PLB1: variants seen among roughly 807,000 people sequenced by gnomAD.
PLB1 encodes the protein phospholipase B1.
A neutral mutation model predicts 227.4 loss-of-function variants in PLB1; 242 were observed. That is an observed-to-expected ratio of 1.06 (90% CI 0.96 to 1.18). PLB1 has a LOEUF of 1.18. Among genes scored for constraint, PLB1 ranks in the 50% most tolerant of loss-of-function variants. PLB1 has a pLI of 0.00. For synonymous variants in PLB1, 757 were observed against 682.2 expected, an observed-to-expected ratio of 1.11 and a Z score of -1.71; for missense variants, 1,858 against 1,816.3, an observed-to-expected ratio of 1.02 and a Z score of -0.42.
At chr2:28,539,669 C>G (rs1672190825) in intron 11 of PLB1, among the ~76,000 whole-genome samples, 1 of 151,940 alleles carries the variant, frequency 6.6e-6, no homozygotes, top group Admixed American at 6.6e-5. Context: ...TGGAAAAAGT[C>G]AGGGCAAGGG....
chr2:28,632,130 C>T lies in PLB1; in HGVS notation c.3992C>T (p.Pro1331Leu). The T allele has an allele frequency of 6.2e-7, 1 of 1,613,370 alleles. No individual in the cohort carries two copies. The highest frequency in any genetic ancestry group is 8.5e-7 in the Non-Finnish European group (1 of 1,179,330). ...VQPFFQNTLT[P>L]LNERGDTDLT... Reference sequence around the variant, plus strand: ...CCTTTCTTCCAAAACACACTCACCCCACTGAACGAGGTGAGCTGCAGGTAT... The same window carrying T: ...CCTTTCTTCCAAAACACACTCACCCTACTGAACGAGGTGAGCTGCAGGTAT... Residue 1331 changes from proline (P) to leucine (L), a missense_variant, in exon 55 of 58, where the codon CCA becomes CTA. Physicochemically the swap from Pro to Leu is moderately conservative, Grantham distance 98. Coordinates refer to ENST00000327757, the MANE Select transcript of PLB1 (RefSeq NM_153021.5).
Position 28,625,164 on chromosome 2 carries a change from G to T in PLB1, c.3579+56G>T, listed in dbSNP as rs995606280. ...AGGTGCCCATCTCCTGCTGGCTGGG[G>T]AGGGGACAGCCCCATAAGGGTCCCT... On this transcript the variant is annotated intron_variant, in intron 50 of 57. Transcript: ENST00000327757. 4.0e-6 allele frequency: 6 copies of T among 1,518,896 alleles called. No individual in the cohort carries two copies. In the East Asian group the frequency reaches 1.4e-4, roughly 35 times the overall value. The allele number at this position is 1,518,896 out of a possible 1,614,324, so 94.1% of individuals were successfully genotyped here. A position where few individuals can be genotyped will look rare whatever the true frequency, so the allele number is the denominator to read the frequency against.
chr2:28,507,214 T>G (rs1296394152), intron 1 of PLB1, among the ~76,000 whole-genome samples: 4 of 152,208 alleles, frequency 2.6e-5, no homozygotes, highest in African/African-American at 4.8e-5. Context: ...TTCTACAGGT[T>G]GCTCCTTCCT....
intron 26 of PLB1, among the ~76,000 whole-genome samples, chr2:28,588,437 C>T (rs1467887421): frequency 6.6e-6 from 1 of 152,198 alleles, no homozygotes; most frequent in Non-Finnish European, 1.5e-5. Flanking sequence ...TGACCACTGG[C>T]TTGGGAGGTC....
chr2:28,628,422 C>T, intron 51 of PLB1, 141 bp from the exon 52 acceptor site: 1 of 681,056 alleles, frequency 1.5e-6, no homozygotes, highest in Non-Finnish European at 2.6e-6. Flanking sequence ...AAGAACTGGG[C>T]TTCTCAGTTT....
chr2:28,529,818 G>A (rs1481932254), intron 8 of PLB1, 39 bp downstream of exon 8: 1 of 1,603,780 alleles, frequency 6.2e-7, no homozygotes, highest in African/African-American at 1.3e-5. Flanking sequence ...TGGGCTGCCT[G>A]GCTTTGCTGC....
In PLB1 at chr2:28,566,834, T is replaced by G. The variant is rs1285775855; in HGVS notation, c.1319T>G (p.Leu440Arg). The change falls in exon 20 of 58, where the codon CTG (leucine) becomes CGG (arginine). Residue 440 changes from leucine to arginine, a missense_variant. Transcript: ENST00000327757. ...GDENIGTVTT[L>R]ANILREFNPS... Reference sequence around the variant, plus strand: ...GAGAACATCGGCACCGTTACCACCCTGGCGAGTGAGTACGCGGCGGCGGCC... The same window carrying G: ...GAGAACATCGGCACCGTTACCACCCGGGCGAGTGAGTACGCGGCGGCGGCC... 1 of 1,613,994 alleles carries G rather than the reference T, an allele frequency of 6.2e-7. No individual in the cohort carries two copies. Among genetic ancestry groups the G allele is most frequent in the Non-Finnish European group, 8.5e-7 (1 of 1,179,994 alleles).
chr2:28,553,172 T>C (rs960143761), intron 17 of PLB1, among the ~76,000 whole-genome samples, 181 bp downstream of exon 17: 3 of 152,214 alleles, frequency 2.0e-5, no homozygotes, highest in Non-Finnish European at 4.4e-5. Context: ...AAATGTGATA[T>C]CATTATCAGA....
chr2:28,531,914 G>A (rs1671062672), intron 8 of PLB1, among the ~76,000 whole-genome samples, 194 bp from the exon 9 acceptor site: 1 of 151,968 alleles, frequency 6.6e-6, no homozygotes, highest in Admixed American at 6.6e-5. Context: ...TAAAAAAAAA[G>A]TTTTGGATAT....
chr2:28,540,507 G>A, intron 12 of PLB1, 66 bp downstream of exon 12: 1 of 1,323,996 alleles, frequency 7.6e-7, no homozygotes, highest in Non-Finnish European at 1.1e-6. Flanking sequence ...AGGAGAACAG[G>A]AGTGATAGGG....
chr2:28,541,632 T>G, intron 12 of PLB1, 75 bp from the exon 13 acceptor site: 1 of 1,103,098 alleles, frequency 9.1e-7, no homozygotes, highest in Non-Finnish European at 1.3e-6. Flanking sequence ...CTGCCGAGAA[T>G]GATTTGGTCA....
intron 1 of PLB1, among the ~76,000 whole-genome samples, chr2:28,509,856 G>A (rs1463747031): frequency 1.3e-5 from 2 of 152,154 alleles, no homozygotes; most frequent in Non-Finnish European, 2.9e-5. Context: ...GGTACTGTGG[G>A]AACAGGCACT....
At chr2:28,582,032 C>A in intron 23 of PLB1, 36 bp from the exon 24 acceptor site, 1 of 1,579,214 alleles carries the variant, frequency 6.3e-7, no homozygotes, top group Non-Finnish European at 8.7e-7. Flanking sequence ...GATTAGGTGA[C>A]AAATGGTGTT....
At chr2:28,558,156 CTG>C (rs3041209) in intron 17 of PLB1, among the ~76,000 whole-genome samples, 83,262 of 150,242 alleles carry the variant, frequency 0.55, 23,256 homozygotes, top group South Asian at 0.64. Context: ...GTGTGTGTCT[CTG>C]TGTGTGTGTG....
intron 35 of PLB1, among the ~76,000 whole-genome samples, chr2:28,599,038 A>G (rs1420349973): frequency 6.6e-6 from 1 of 152,214 alleles, no homozygotes; most frequent in Admixed American, 6.5e-5. Flanking sequence ...ACCTTATCCA[A>G]TGTTTACAAC....
intron 17 of PLB1, among the ~76,000 whole-genome samples, chr2:28,557,233 CCT>C (rs1485513507): frequency 1.3e-5 from 2 of 152,166 alleles, no homozygotes; most frequent in South Asian, 4.2e-4. Context: ...CTGTAAAGTC[CCT>C]GTCACAGAGT....
rs147257953 is a variant in PLB1 at position 28,568,951 on chromosome 2, T to A, written c.1324+2112T>A. Among the ~76,000 whole-genome samples, 213 of 152,304 alleles carry A rather than the reference T, an allele frequency of 1.4e-3. 1 individual carries two copies. Among genetic ancestry groups the A allele is most frequent in the African/African-American group, 4.7e-3 (197 of 41,580 alleles). On this transcript the variant is annotated intron_variant, in intron 20 of 57. Transcript: ENST00000327757. ...TCTACCTCCTAGGGAAGCTGCCACC[T>A]CCTAGGACAAACCATTCCACTTTCA...
At chr2:28,639,989 C>G (rs1168960947) in intron 56 of PLB1, among the ~76,000 whole-genome samples, 2 of 152,136 alleles carry the variant, frequency 1.3e-5, no homozygotes, top group Admixed American at 6.5e-5. Flanking sequence ...TCTAGTCACC[C>G]TAGCATCTCT....
intron 17 of PLB1, among the ~76,000 whole-genome samples, chr2:28,555,570 C>T (rs1330129665): frequency 2.0e-5 from 3 of 152,126 alleles, no homozygotes; most frequent in South Asian, 2.1e-4. Flanking sequence ...AGGTCATACA[C>T]TCTTCTGGAG....
Sources: gnomAD v4.1 joint callset for allele counts (sites outside exome capture counted in the v4.1 genomes callset) on GRCh38, gnomAD v4.1.1 for gene constraint, MANE v1.5 for transcripts, NCBI Gene and HGNC (gene_info 2026-07-23, HGNC 2026-07-21) for gene names.